The following POP1 variants were observed in gnomAD, a reference collection of about 807,000 sequenced individuals.
The protein encoded by POP1 is ribonucleases P/MRP protein subunit POP1.
Under a neutral mutation model 102.2 loss-of-function variants are expected in POP1, and 75 were observed. That is an observed-to-expected ratio of 0.73 (90% CI 0.61 to 0.89). POP1 has a LOEUF of 0.89. POP1 is among the 40% of genes least tolerant of loss of function. POP1 has a pLI of 0.00. For synonymous variants in POP1, 436 were observed against 464.1 expected (o/e 0.94, Z 0.78); for missense variants, 1,116 against 1,267.4 (o/e 0.88, Z 1.81).
Position 98,159,551 on chromosome 8 carries a change from T to A in POP1, c.*1280T>A, listed in dbSNP as rs1235162435. On this transcript the variant is annotated 3_prime_UTR_variant, in exon 16 of 16. Transcript: ENST00000401707. ...CTTTCTAGAAGAGCTTAATGGGATT[T>A]TTTTTCTAAAAAATGTAAATATGCA... 6.6e-6 allele frequency: 1 copy of A among 152,228 alleles called. No individual in the cohort carries two copies. Among genetic ancestry groups the A allele is most frequent in the East Asian group, 1.9e-4 (1 of 5,204 alleles). 9.4% of individuals were successfully genotyped at this position (152,228 alleles called of 1,614,324 possible).
chr8:98,143,744 C>T (rs62522190), intron 11 of POP1, among the ~76,000 whole-genome samples: 2 of 152,046 alleles, frequency 1.3e-5, no homozygotes, highest in Non-Finnish European at 2.9e-5. Flanking sequence ...CCGATAACCA[C>T]TGATCTTTTT....
chr8:98,133,937 C>A lies in POP1; in HGVS notation c.736-12C>A. 6.2e-7 allele frequency: 1 copy of A among 1,604,014 alleles called. No homozygotes were observed. The highest frequency in any genetic ancestry group is 8.5e-7 in the Non-Finnish European group (1 of 1,170,936). ...TTCCTAAGTACTTAATTGTGTCTCCCGCTTTGTGCAGGATTTATCCTATTA... is the reference window on the plus strand; with the variant it reads ...TTCCTAAGTACTTAATTGTGTCTCCAGCTTTGTGCAGGATTTATCCTATTA... On this transcript the variant is annotated splice_polypyrimidine_tract_variant and intron_variant, in intron 5 of 15. Transcript: ENST00000401707.
intron 9 of POP1, among the ~76,000 whole-genome samples, chr8:98,138,993 C>T (rs867071927): frequency 1.4e-4 from 22 of 151,974 alleles, no homozygotes; most frequent in Admixed American, 6.6e-4. Context: ...GCTGGAATTA[C>T]AGGTGCCAGC....
chr8:98,129,687 T>A (rs961608332), intron 4 of POP1, among the ~76,000 whole-genome samples: 3 of 152,254 alleles, frequency 2.0e-5, no homozygotes, highest in African/African-American at 7.2e-5. Flanking sequence ...CTTGTGTTAC[T>A]GTGTTGAACA....
chr8:98,154,069 G>T (rs892017931), intron 14 of POP1, among the ~76,000 whole-genome samples: 1 of 152,202 alleles, frequency 6.6e-6, no homozygotes, highest in Non-Finnish European at 1.5e-5. Context: ...GAAGGGGAGA[G>T]AGGCTGTTGG....
rs1380185751 is a variant in POP1, at chr8:98,158,829, A to C, written c.*558A>C. 6.5e-6 allele frequency: 1 copy of C among 153,634 alleles called. No individual in the cohort carries two copies. Among genetic ancestry groups the C allele is most frequent in the East Asian group, 1.9e-4 (1 of 5,256 alleles). 9.5% of individuals were successfully genotyped at this position (153,634 alleles called of 1,614,324 possible). A position where few individuals can be genotyped will look rare whatever the true frequency, so the allele number is the denominator to read the frequency against. On this transcript the variant is annotated 3_prime_UTR_variant, in exon 16 of 16. Transcript: ENST00000401707. ...TTTCTGCCTGTTTTCAGGCAGGCAC[A>C]GTTTATGGCGTCAGTGCTAGGCTGG...
Position 98,146,586 on chromosome 8 carries a change from A to G in POP1, c.1613A>G (p.Gln538Arg). Reference protein sequence around the residue: ...EKCQDNEKVRQLLLEGVPVEC... With the variant: ...EKCQDNEKVRRLLLEGVPVEC... ...CTCTTAGATAATGAGAAAGTTAGAC[A>G]GCTGCTTCTGGAGGGTGTGCCTGTG... The change falls in exon 12 of 16, where the codon CAG becomes CGG. Residue 538 changes from glutamine to arginine, a missense_variant. Coordinates refer to ENST00000401707, the MANE Select transcript of POP1 (RefSeq NM_001145860.2). 1 of 1,613,846 alleles carries G rather than the reference A, an allele frequency of 6.2e-7. No individual in the cohort carries two copies. Among genetic ancestry groups the G allele is most frequent in the Non-Finnish European group, 8.5e-7 (1 of 1,179,732 alleles).
chr8:98,126,250 A>G (rs559409688), intron 2 of POP1, among the ~76,000 whole-genome samples: 25 of 152,160 alleles, frequency 1.6e-4, no homozygotes, highest in Non-Finnish European at 2.6e-4. Context: ...GGATTATAGT[A>G]TTAAGGGAGT....
intron 14 of POP1, among the ~76,000 whole-genome samples, chr8:98,152,170 G>A (rs975515881): frequency 1.4e-4 from 22 of 152,160 alleles, no homozygotes; most frequent in African/African-American, 4.8e-4. Context: ...ATAGTATGTA[G>A]TTGAGAGGCT....
rs186507323 is a variant in POP1, at chr8:98,124,756, T to C, written c.142+1277T>C. ...TTTATTTCTACCTTAACATCAATGA[T>C]TATTATACTTCTGTGTTTCCTAAGA... On this transcript the variant is annotated intron_variant, in intron 2 of 15. Transcript: ENST00000401707. Among the ~76,000 whole-genome samples the C allele has an allele frequency of 8.5e-5, 13 of 152,354 alleles. No individual in the cohort carries two copies. In the East Asian group the frequency reaches 2.5e-3, roughly 29 times the overall value.
At chr8:98,127,855 C>T in intron 3 of POP1, 93 bp downstream of exon 3, 6 of 1,302,548 alleles carry the variant, frequency 4.6e-6, no homozygotes, top group Non-Finnish European at 6.6e-6. Flanking sequence ...CCTGGCTCTG[C>T]CTCCCCTACC....
At chr8:98,124,529 C>T (rs1563770273) in intron 2 of POP1, among the ~76,000 whole-genome samples, 1 of 151,424 alleles carries the variant, frequency 6.6e-6, no homozygotes, top group Non-Finnish European at 1.5e-5. Context: ...CCACTGCACT[C>T]CAGCCTGGGT....
At position 98,134,509 on chromosome 8, in the gene POP1, G is replaced by C. The variant is rs758377762; in HGVS notation, c.861G>C (p.Lys287Asn). ...CAGCAGTTCACTGCTTGTCTGGAAA[G>C]CGCCAAGGGAGCCTTGTGCTTTATC... Reference protein sequence around the residue: ...TFAAVHCLSGKRQGSLVLYRV... With the variant: ...TFAAVHCLSGNRQGSLVLYRV... Residue 287 changes from lysine (K) to asparagine (N), a missense_variant, in exon 7 of 16, where the codon AAG (lysine) becomes AAC (asparagine). By Grantham distance (94) the Lys-to-Asn change is moderately conservative (BLOSUM62 0). Coordinates refer to ENST00000401707, the MANE Select transcript of POP1 (RefSeq NM_001145860.2). The C allele has an allele frequency of 1.9e-6, 3 of 1,614,204 alleles. No individual in the cohort carries two copies. In the Admixed American group the frequency reaches 5.0e-5, roughly 27 times the overall value.
intron 14 of POP1, among the ~76,000 whole-genome samples, chr8:98,152,334 TG>T (rs1382364119): frequency 6.6e-6 from 1 of 152,256 alleles, no homozygotes; most frequent in African/African-American, 2.4e-5. Context: ...TTTAACAATA[TG>T]GTATGTATGG....
chr8:98,127,048 G>T (rs1056626394), intron 2 of POP1, among the ~76,000 whole-genome samples: 14 of 152,112 alleles, frequency 9.2e-5, no homozygotes, highest in African/African-American at 3.4e-4. Flanking sequence ...TTTGGTGACT[G>T]GTGTGGGCCT....
chr8:98,156,559 T>TACA, intron 15 of POP1, 147 bp downstream of exon 15: 1 of 959,830 alleles, frequency 1.0e-6, no homozygotes, highest in Non-Finnish European at 1.5e-6. Flanking sequence ...TCTTTTATAT[T>TACA]TCATAGAGGG....
intron 4 of POP1, among the ~76,000 whole-genome samples, chr8:98,129,006 T>C (rs968166121): frequency 1.3e-5 from 2 of 152,178 alleles, no homozygotes; most frequent in Non-Finnish European, 2.9e-5. Context: ...TTATCCAAAC[T>C]TCTTCCCTTC....
chr8:98,126,012 A>ATTTT (rs769926677), intron 2 of POP1, among the ~76,000 whole-genome samples: 1 of 140,592 alleles, frequency 7.1e-6, no homozygotes, highest in Non-Finnish European at 1.6e-5. Context: ...TGCCCAGCAA[A>ATTTT]TTTTTTTTTT....
At chr8:98,133,209 C>A (rs1382150282) in intron 5 of POP1, among the ~76,000 whole-genome samples, 1 of 152,020 alleles carries the variant, frequency 6.6e-6, no homozygotes, top group East Asian at 1.9e-4. Context: ...AGAGTGAGAC[C>A]CTGTCTCAAA....
Sources: gnomAD v4.1 joint callset for allele counts (sites outside exome capture counted in the v4.1 genomes callset) on GRCh38, gnomAD v4.1.1 for gene constraint, MANE v1.5 for transcripts, NCBI Gene and HGNC (gene_info 2026-07-23, HGNC 2026-07-21) for gene names.